Variants in ANTXR2 observed in about 807,000 individuals in gnomAD.
ANTXR2 encodes the protein ANTXR cell adhesion molecule 2.
Under a neutral mutation model 73.7 loss-of-function variants are expected in ANTXR2, and 44 were observed. The ratio of observed to expected loss-of-function variants is 0.60; its 90% CI spans 0.47 to 0.77. The LOEUF is 0.77. Ranked by LOEUF, ANTXR2 falls within the 30% of genes least tolerant of loss-of-function variation. The probability of loss-of-function intolerance (pLI) is 0.00; values close to 1 mark genes in which losing one functional copy is unlikely to be tolerated. For missense variants in ANTXR2, 604 were observed against 592.5 expected (o/e 1.02, Z -0.20); for synonymous variants, 217 against 205.9 (o/e 1.05, Z -0.46).
intron 16 of ANTXR2, among the ~76,000 whole-genome samples, chr4:79,962,979 A>G (rs1409847384): frequency 6.6e-6 from 1 of 152,142 alleles, no homozygotes; most frequent in African/African-American, 2.4e-5. Context: ...GAAGGTTCCA[A>G]TCTGCACTGA....
In ANTXR2 at chr4:80,072,838, G is replaced by T. The variant is rs753117967; in HGVS notation, c.-278C>A. 7.5e-6 allele frequency: 5 copies of T among 662,682 alleles called. No homozygotes were observed. Among genetic ancestry groups the T allele is most frequent in the Non-Finnish European group, 1.1e-5 (5 of 472,514 alleles). The allele number at this position is 662,682 out of a possible 1,614,324, so 41.1% of individuals were successfully genotyped here. A position where few individuals can be genotyped will look rare whatever the true frequency, so the allele number is the denominator to read the frequency against. On this transcript the variant is annotated 5_prime_UTR_variant, in exon 1 of 17. Transcript: ENST00000403729. Reference sequence around the variant, plus strand: ...ATCCAGTCCTCCCCCTCCCGATTCCGGAGAGTTCCTGCAGACAATGCGGGC... The same window carrying T: ...ATCCAGTCCTCCCCCTCCCGATTCCTGAGAGTTCCTGCAGACAATGCGGGC...
At position 79,963,878 on chromosome 4, in the gene ANTXR2, C is replaced by A. The variant is rs551471264; in HGVS notation, c.1428+13743G>T. On this transcript the variant is annotated intron_variant, in intron 16 of 16. Coordinates refer to ENST00000403729, the MANE Select transcript of ANTXR2 (RefSeq NM_058172.6). ...AATGTAGGTAGTAGAGGAGGAGAAC[C>A]GCCCAAAAAGAAAATGTTTGTTTAC... Among the ~76,000 whole-genome samples, 11 of 152,000 alleles carry A rather than the reference C, an allele frequency of 7.2e-5. No individual in the cohort carries two copies. In the South Asian group the frequency reaches 2.3e-3, roughly 32 times the overall value.
At position 79,980,921 on chromosome 4, in the gene ANTXR2, T is replaced by TAAAAAAA. The variant is rs11397721; in HGVS notation, c.1180-2754_1180-2748dup. ...TTTACTTTTCCTAGTTTAAGGGCTT[T>TAAAAAAA]AAAAAAAAAAAAAAAAAAAAAGAGA... On this transcript the variant is annotated intron_variant, in intron 14 of 16. Coordinates refer to ENST00000403729, the MANE Select transcript of ANTXR2 (RefSeq NM_058172.6). Among the ~76,000 whole-genome samples, 346 of 137,522 alleles carry TAAAAAAA rather than the reference T, an allele frequency of 2.5e-3. 4 individuals carry two copies. Among genetic ancestry groups the TAAAAAAA allele is most frequent in the African/African-American group, 8.8e-3 (322 of 36,472 alleles). The allele number at this position is 137,522 out of a possible 152,430, so 90.2% of individuals were successfully genotyped here. A position where few individuals can be genotyped will look rare whatever the true frequency, so the allele number is the denominator to read the frequency against.
At chr4:79,933,188 C>T (rs1012746077) in intron 16 of ANTXR2, among the ~76,000 whole-genome samples, 1 of 152,080 alleles carries the variant, frequency 6.6e-6, no homozygotes, top group Non-Finnish European at 1.5e-5. Context: ...ATGAAAACTA[C>T]ATAATATAAA....
At chr4:79,924,238 G>A (rs1727696546) in intron 16 of ANTXR2, among the ~76,000 whole-genome samples, 1 of 152,072 alleles carries the variant, frequency 6.6e-6, no homozygotes, top group Admixed American at 6.6e-5. Context: ...AAAATTGATA[G>A]CATTTGCTGA....
Position 79,984,835 on chromosome 4 carries a change from G to A in ANTXR2, c.1070C>T (p.Ala357Val), listed in dbSNP as rs534683576. ...VVIKDPPPPP[A>V]PAPKEEEEEP... ...CTCACTTACCTCTTTTGGTGCAGGG[G>A]CGGGTGGTGGTGGAGGATCCTTAAT... Residue 357 changes from alanine to valine, a missense_variant, in exon 13 of 17, where the codon GCC becomes GTC. Coordinates refer to ENST00000403729, the MANE Select transcript of ANTXR2 (RefSeq NM_058172.6). The A allele has an allele frequency of 4.0e-6, 6 of 1,486,730 alleles. No individual in the cohort carries two copies. Among genetic ancestry groups the A allele is most frequent in the Middle Eastern group, 1.7e-4 (1 of 5,716 alleles). 92.1% of individuals were successfully genotyped at this position (1,486,730 alleles called of 1,614,324 possible).
intron 16 of ANTXR2, among the ~76,000 whole-genome samples, chr4:79,948,227 C>T (rs1029733707): frequency 6.6e-6 from 1 of 152,128 alleles, no homozygotes; most frequent in African/African-American, 2.4e-5. Context: ...AATACCCCCT[C>T]AAATTATCTT....
intron 12 of ANTXR2, among the ~76,000 whole-genome samples, chr4:79,987,748 C>T (rs1239480469): frequency 3.3e-5 from 5 of 152,070 alleles, no homozygotes; most frequent in Non-Finnish European, 5.9e-5. Flanking sequence ...AAAAGGAATC[C>T]CATCAGGCCA....
chr4:79,972,788 G>A (rs1482079906), intron 16 of ANTXR2, among the ~76,000 whole-genome samples: 2 of 14,586 alleles, frequency 1.4e-4, no homozygotes, highest in African/African-American at 2.8e-4. Flanking sequence ...GGGGAGGGGG[G>A]AGGGATAGCA....
chr4:79,906,223 CAGA>C lies in ANTXR2; in HGVS notation c.*1203_*1205del, dbSNP rs1023556820. On this transcript the variant is annotated 3_prime_UTR_variant, in exon 17 of 17. Transcript: ENST00000403729. ...TCAATGTTTTGTGATAGCGACCCTCCAGAAGATTTAATTTGTAAATTGAAGAAA... is the reference window on the plus strand; with the variant it reads ...TCAATGTTTTGTGATAGCGACCCTCCAGATTTAATTTGTAAATTGAAGAAA... The C allele has an allele frequency of 6.6e-6, 1 of 152,474 alleles. No individual in the cohort carries two copies. Among genetic ancestry groups the C allele is most frequent in the Non-Finnish European group, 1.5e-5 (1 of 68,014 alleles). 9.4% of individuals were successfully genotyped at this position (152,474 alleles called of 1,614,324 possible). A position where few individuals can be genotyped will look rare whatever the true frequency, so the allele number is the denominator to read the frequency against.
At chr4:80,045,915 A>T (rs1218772875) in intron 7 of ANTXR2, among the ~76,000 whole-genome samples, 1 of 151,798 alleles carries the variant, frequency 6.6e-6, no homozygotes, top group African/African-American at 2.4e-5. Context: ...TTGCTATTTT[A>T]TAATCACATG....
intron 16 of ANTXR2, among the ~76,000 whole-genome samples, chr4:79,935,952 C>T (rs11937477): frequency 0.55 from 83,471 of 152,000 alleles, 25,968 homozygotes; most frequent in East Asian, 0.96. Context: ...AATGACTCCG[C>T]TCCCAGTGGA....
At chr4:79,991,086 A>G (rs1171895169) in intron 12 of ANTXR2, among the ~76,000 whole-genome samples, 1 of 152,064 alleles carries the variant, frequency 6.6e-6, no homozygotes, top group Non-Finnish European at 1.5e-5. Flanking sequence ...GCAGCAAAAG[A>G]AAAAATAAAC....
At chr4:80,048,140 A>G (rs1378392117) in intron 7 of ANTXR2, among the ~76,000 whole-genome samples, 6 of 151,416 alleles carry the variant, frequency 4.0e-5, no homozygotes, top group Non-Finnish European at 8.9e-5. Flanking sequence ...TAATGCTCCA[A>G]TATACCATAA....
chr4:79,961,769 C>T (rs915672702), intron 16 of ANTXR2, among the ~76,000 whole-genome samples: 2 of 152,060 alleles, frequency 1.3e-5, no homozygotes, highest in African/African-American at 4.8e-5. Flanking sequence ...CCAAAGCTCA[C>T]TGATGATGAT....
At chr4:80,044,049 G>A (rs1278541531) in intron 7 of ANTXR2, among the ~76,000 whole-genome samples, 1 of 151,914 alleles carries the variant, frequency 6.6e-6, no homozygotes, top group Non-Finnish European at 1.5e-5. Context: ...CTAAGTCAGA[G>A]GGACAAATAC....
chr4:79,937,795 T>C (rs1247297184), intron 16 of ANTXR2, among the ~76,000 whole-genome samples: 6 of 151,034 alleles, frequency 4.0e-5, no homozygotes, highest in African/African-American at 7.3e-5. Flanking sequence ...CGGTGATTTC[T>C]GCATTTCCAT....
Position 80,069,527 on chromosome 4 carries a change from G to A in ANTXR2, c.225-20C>T. ...TCAGGGCTGCAAAATAAGAAAAGAG[G>A]CAGTTAAAACATTTTTAAAAAGAAA... is the stretch of plus-strand genomic sequence containing the variant. On this transcript the variant is annotated intron_variant, in intron 2 of 16. Coordinates refer to ENST00000403729, the MANE Select transcript of ANTXR2 (RefSeq NM_058172.6). 3 of 1,548,128 alleles carry A rather than the reference G, an allele frequency of 1.9e-6. No homozygotes were observed. Among genetic ancestry groups the A allele is most frequent in the South Asian group, 1.2e-5 (1 of 85,392 alleles).
chr4:80,055,298 C>T (rs1351851158), intron 5 of ANTXR2, 62 bp downstream of exon 5: 2 of 1,556,490 alleles, frequency 1.3e-6, no homozygotes, highest in Admixed American at 3.6e-5. Context: ...TCAAGCTATA[C>T]ATTCCGAGAC....
Sources: allele counts gnomAD v4.1 joint callset (sites outside exome capture counted in the v4.1 genomes callset), GRCh38; gene constraint gnomAD v4.1.1; transcripts MANE v1.5; gene names NCBI Gene and HGNC (gene_info 2026-07-23, HGNC 2026-07-21).